The following CCN2 variants were observed in gnomAD, a reference collection of about 807,000 sequenced individuals.
CCN2 encodes the protein CCN family member 2.
A neutral mutation model predicts 33.2 loss-of-function variants in CCN2; 22 were observed. The observed-to-expected ratio is 0.66, with a 90% CI of 0.47 to 0.95. The LOEUF (loss-of-function observed/expected upper bound fraction) is 0.95. CCN2 is among the 40% of genes least tolerant of loss of function. CCN2 has a pLI of 0.00. For synonymous variants in CCN2, 178 were observed against 200.6 expected (o/e 0.89, Z 0.95); for missense variants, 469 against 498.8 (o/e 0.94, Z 0.57).
intron 4 of CCN2, 144 bp downstream of exon 4, chr6:131,949,805 A>T: frequency 1.2e-6 from 1 of 868,884 alleles, no homozygotes; most frequent in Non-Finnish European, 1.7e-6. Flanking sequence ...CTATTACACA[A>T]GCTCTCATTC....
chr6:131,950,942 C>A lies in CCN2; in HGVS notation c.117G>T (p.Pro39=). ...CSGPCRCPDE[P]APRCPAGVSL... ...TCACGCCCGCCGGGCAGCGCGGCGC[C>A]GGCTCGTCCGGGCACCGGCACGGCC... Residue 39 remains proline (P), a synonymous_variant, in exon 2 of 5, where the codon CCG becomes CCT. Coordinates refer to ENST00000367976, the MANE Select transcript of CCN2 (RefSeq NM_001901.4). This position sits in a 1 kb window ranked among gnomAD's most constrained non-coding sequence, Gnocchi z 7.1. 7.1e-7 allele frequency: 1 copy of A among 1,406,886 alleles called. No homozygotes were observed. Among genetic ancestry groups the A allele is most frequent in the South Asian group, 1.6e-5 (1 of 64,298 alleles). 87.2% of individuals were successfully genotyped at this position (1,406,886 alleles called of 1,614,324 possible). A position where few individuals can be genotyped will look rare whatever the true frequency, so the allele number is the denominator to read the frequency against.
intron 4 of CCN2, 47 bp from the exon 5 acceptor site, chr6:131,949,607 CTCTACAAGAGGAGTGGCTT>C (rs1783072028): frequency 8.0e-6 from 12 of 1,507,602 alleles, no homozygotes; most frequent in Non-Finnish European, 1.0e-5. Flanking sequence ...AAATCAGCGA[CTCTACAAGAGGAGTGGCTT>C]TCTTCAACCC....
intron 1 of CCN2, 41 bp from the exon 2 acceptor site, chr6:131,951,033 C>T (rs925227422): frequency 2.4e-6 from 3 of 1,255,910 alleles, no homozygotes; most frequent in African/African-American, 1.6e-5. Context: ...TCGGTCGGCG[C>T]GCACGCCCTC....
In CCN2 at chr6:131,949,426, G is replaced by A; in HGVS notation, c.888C>T (p.His296=). 1 of 1,614,220 alleles carries A rather than the reference G, an allele frequency of 6.2e-7. No homozygotes were observed. The highest frequency in any genetic ancestry group is 8.5e-7 in the Non-Finnish European group (1 of 1,180,054). Residue 296 remains histidine, a synonymous_variant, in exon 5 of 5, where the codon CAC becomes CAT. Coordinates refer to ENST00000367976, the MANE Select transcript of CCN2 (RefSeq NM_001901.4). ...VCTDGRCCTP[H]RTTTLPVEFK... ...ACTCCACCGGCAGGGTGGTGGTTCT[G>A]TGGGGGGTGCAGCATCGGCCGTCGG...
At position 131,950,852 on chromosome 6, in the gene CCN2, G is replaced by A. The variant is rs1336177255; in HGVS notation, c.207C>T (p.Thr69=). Residue 69 remains threonine (T), a synonymous_variant, in exon 2 of 5, where the codon ACC becomes ACT. Transcript: ENST00000367976. This position sits in a 1 kb window ranked among gnomAD's most constrained non-coding sequence, Gnocchi z 7.1. The part of the protein sequence containing the change: ...VCAKQLGELC[T]ERDPCDPHKG... The stretch of plus-strand genomic sequence containing the variant: ...TGTGCGGGTCGCATGGGTCGCGCTC[G>A]GTGCACAGCTCGCCCAGCTGCTTGG... The A allele has an allele frequency of 4.6e-6, 7 of 1,535,514 alleles. No individual in the cohort carries two copies. Among genetic ancestry groups the A allele is most frequent in the Non-Finnish European group, 3.5e-6 (4 of 1,147,742 alleles).
Position 131,949,356 on chromosome 6 carries a change from T to G in CCN2, c.958A>C (p.Ile320Leu). Residue 320 changes from isoleucine (I) to leucine (L), a missense_variant, in exon 5 of 5, where the codon ATC becomes CTC. Ile to Leu is a conservative substitution (Grantham distance 5). Coordinates refer to ENST00000367976, the MANE Select transcript of CCN2 (RefSeq NM_001901.4). ...TTGTAATGGCAGGCACAGGTCTTGA[T>G]GAACATCATGTTCTTCTTCATGACC... ...GEVMKKNMMF[I>L]KTCACHYNCP... is the part of the protein sequence containing the mutation. The G allele has an allele frequency of 6.2e-7, 1 of 1,614,172 alleles. No individual in the cohort carries two copies. Among genetic ancestry groups the G allele is most frequent in the Non-Finnish European group, 8.5e-7 (1 of 1,179,984 alleles).
Position 131,950,966 on chromosome 6 carries a change from C to G in CCN2, c.93G>C (p.Gly31=). 1 of 1,365,718 alleles carries G rather than the reference C, an allele frequency of 7.3e-7. No homozygotes were observed. The highest frequency in any genetic ancestry group is 9.3e-7 in the Non-Finnish European group (1 of 1,070,576). The allele number at this position is 1,365,718 out of a possible 1,614,324, so 84.6% of individuals were successfully genotyped here. The change falls in exon 2 of 5, where the codon GGG becomes GGC. Residue 31 remains glycine, a synonymous_variant. Transcript: ENST00000367976. This position sits in a 1 kb window ranked among gnomAD's most constrained non-coding sequence, Gnocchi z 7.1. Reference sequence around the variant, plus strand: ...CCGGCTCGTCCGGGCACCGGCACGGCCCGCTGCAGTTCTGGCCGACGGCCG... The same window carrying G: ...CCGGCTCGTCCGGGCACCGGCACGGGCCGCTGCAGTTCTGGCCGACGGCCG... ...SRPAVGQNCS[G]PCRCPDEPAP...
rs961009845 is a variant in CCN2 at position 131,950,952 on chromosome 6, G to A, written c.107C>T (p.Pro36Leu). Residue 36 changes from proline to leucine, a missense_variant, in exon 2 of 5, where the codon CCG (proline) becomes CTG (leucine). By Grantham distance (98) the Pro-to-Leu change is moderately conservative. Transcript: ENST00000367976. This position sits in a 1 kb window ranked among gnomAD's most constrained non-coding sequence, Gnocchi z 7.1. ...GQNCSGPCRC[P>L]DEPAPRCPAG... ...CGGGCAGCGCGGCGCCGGCTCGTCCGGGCACCGGCACGGCCCGCTGCAGTT... is the reference window on the plus strand; with the variant it reads ...CGGGCAGCGCGGCGCCGGCTCGTCCAGGCACCGGCACGGCCCGCTGCAGTT... 3 of 1,389,530 alleles carry A rather than the reference G, an allele frequency of 2.2e-6. No individual in the cohort carries two copies. Among genetic ancestry groups the A allele is most frequent in the African/African-American group, 1.5e-5 (1 of 65,568 alleles). 86.1% of individuals were successfully genotyped at this position (1,389,530 alleles called of 1,614,324 possible).
chr6:131,950,131 C>A lies in CCN2; in HGVS notation c.571G>T (p.Asp191Tyr). 1 of 1,614,238 alleles carries A rather than the reference C, an allele frequency of 6.2e-7. No individual in the cohort carries two copies. Among genetic ancestry groups the A allele is most frequent in the Non-Finnish European group, 8.5e-7 (1 of 1,180,042 alleles). The part of the protein sequence containing the change: ...AYRLEDTFGP[D>Y]PTMIRANCLV... ...CAGTTGGCTCTAATCATAGTTGGGT[C>A]TGGGCCAAACGTGTCTTCCAGTCGG... Residue 191 changes from aspartate to tyrosine, a missense_variant, in exon 4 of 5, where the codon GAC becomes TAC. Physicochemically the swap from Asp to Tyr is radical, Grantham distance 160 (BLOSUM62 -3). Transcript: ENST00000367976. The surrounding 1 kb of genome is among the most constrained non-coding windows in gnomAD (Gnocchi z 7.1).
chr6:131,949,599 A>G (rs772968298), intron 4 of CCN2, 39 bp from the exon 5 acceptor site: 1 of 1,176,426 alleles, frequency 8.5e-7, no homozygotes, highest in Non-Finnish European at 1.2e-6. Context: ...AAAAAAAAAA[A>G]TCAGCGACTC....
rs1315457402 is a variant in CCN2 at position 131,948,935 on chromosome 6, T to C, written c.*329A>G. ...TCAATTACACTTCAAATAGCAGGCA[T>C]ATTACTCGTATAAGATGCTATCTGA... On this transcript the variant is annotated 3_prime_UTR_variant, in exon 5 of 5. Transcript: ENST00000367976. The C allele has an allele frequency of 4.2e-5, 13 of 306,216 alleles. No homozygotes were observed. The Admixed American group carries it at 5.2e-4, about 12-fold the overall frequency. 19.0% of individuals were successfully genotyped at this position (306,216 alleles called of 1,614,324 possible). A position where few individuals can be genotyped will look rare whatever the true frequency, so the allele number is the denominator to read the frequency against.
At position 131,949,172 on chromosome 6, in the gene CCN2, AC is replaced by A. The variant is rs1783061222; in HGVS notation, c.*91del. The A allele has an allele frequency of 1.8e-6, 2 of 1,131,564 alleles. No homozygotes were observed. Among genetic ancestry groups the A allele is most frequent in the Non-Finnish European group, 1.3e-6 (1 of 770,020 alleles). The allele number at this position is 1,131,564 out of a possible 1,614,324, so 70.1% of individuals were successfully genotyped here. ...CCAGTTAGAAAAACAGATTTAAATA[AC>A]TTGTGCTACTGAAATCATTTTTACG... On this transcript the variant is annotated 3_prime_UTR_variant, in exon 5 of 5. Transcript: ENST00000367976.
At position 131,949,398 on chromosome 6, in the gene CCN2, T is replaced by C. The variant is rs543282062; in HGVS notation, c.916A>G (p.Lys306Glu). The part of the protein sequence containing the change: ...HRTTTLPVEF[K>E]CPDGEVMKKN... ...TTCATGACCTCGCCGTCAGGGCACT[T>C]GAACTCCACCGGCAGGGTGGTGGTT... The change falls in exon 5 of 5, where the codon AAG (lysine) becomes GAG (glutamate). Residue 306 changes from lysine (K) to glutamate (E), a missense_variant. Lys to Glu is a moderately conservative substitution (Grantham distance 56, BLOSUM62 1). Coordinates refer to ENST00000367976, the MANE Select transcript of CCN2 (RefSeq NM_001901.4). The C allele has an allele frequency of 3.1e-6, 5 of 1,614,092 alleles. No homozygotes were observed. The highest frequency in any genetic ancestry group is 4.2e-6 in the Non-Finnish European group (5 of 1,180,042).
chr6:131,950,312 A>G lies in CCN2; in HGVS notation c.521T>C (p.Val174Ala), dbSNP rs1385005797. ...CTCACCCGCGAGGGCAGGCCCAACC[A>G]CGGTTTGGTCCTTGGGCTCGTCACA... The part of the protein sequence containing the change: ...WVCDEPKDQT[V>A]VGPALAAYRL... The change falls in exon 3 of 5, where the codon GTG (valine) becomes GCG (alanine). Residue 174 changes from valine (V) to alanine (A), a missense_variant. Val to Ala is a moderately conservative substitution (Grantham distance 64). Coordinates refer to ENST00000367976, the MANE Select transcript of CCN2 (RefSeq NM_001901.4). The surrounding 1 kb of genome is among the most constrained non-coding windows in gnomAD (Gnocchi z 7.1). 7 of 1,613,768 alleles carry G rather than the reference A, an allele frequency of 4.3e-6. No homozygotes were observed. Among genetic ancestry groups the G allele is most frequent in the Non-Finnish European group, 5.9e-6 (7 of 1,179,838 alleles).
rs1376273288 is a variant in CCN2, at chr6:131,950,951, C to T, written c.108G>A (p.Pro36=). 4 of 1,389,410 alleles carry T rather than the reference C, an allele frequency of 2.9e-6. No homozygotes were observed. The South Asian group carries it at 4.9e-5, about 17-fold the overall frequency. The allele number at this position is 1,389,410 out of a possible 1,614,324, so 86.1% of individuals were successfully genotyped here. A position where few individuals can be genotyped will look rare whatever the true frequency, so the allele number is the denominator to read the frequency against. The stretch of plus-strand genomic sequence containing the variant: ...CCGGGCAGCGCGGCGCCGGCTCGTC[C>T]GGGCACCGGCACGGCCCGCTGCAGT... ...GQNCSGPCRC[P]DEPAPRCPAG... is the part of the protein sequence containing the mutation. Residue 36 remains proline, a synonymous_variant, in exon 2 of 5, where the codon CCG becomes CCA. Coordinates refer to ENST00000367976, the MANE Select transcript of CCN2 (RefSeq NM_001901.4). This position sits in a 1 kb window ranked among gnomAD's most constrained non-coding sequence, Gnocchi z 7.1.
chr6:131,951,184 CGGGCGGAGCGGA>C lies in CCN2; in HGVS notation c.-24_-13del. On this transcript the variant is annotated 5_prime_UTR_variant, in exon 1 of 5. Transcript: ENST00000367976. ...CTGGCGGCGGTCATGGTTGGCACTG[CGGGCGGAGCGGA>C]GGGCGCGGTGGCGGCGAGCGGGGAG... 1 of 1,308,738 alleles carries C rather than the reference CGGGCGGAGCGGA, an allele frequency of 7.6e-7. No individual in the cohort carries two copies. Among genetic ancestry groups the C allele is most frequent in the South Asian group, 2.3e-5 (1 of 43,384 alleles). 81.1% of individuals were successfully genotyped at this position (1,308,738 alleles called of 1,614,324 possible).
At position 131,950,065 on chromosome 6, in the gene CCN2, A is replaced by G. The variant is rs777353866; in HGVS notation, c.637T>C (p.Cys213Arg). The G allele has an allele frequency of 6.2e-6, 10 of 1,614,216 alleles. No homozygotes were observed. The highest frequency in any genetic ancestry group is 8.5e-6 in the Non-Finnish European group (10 of 1,180,030). ...ACCCGGGTGGAGATGCCCATCCCAC[A>G]GGTCTTGGAACAGGCGCTCCACTCT... ...TTEWSACSKT[C>R]GMGISTRVTN... Residue 213 changes from cysteine (C) to arginine (R), a missense_variant, in exon 4 of 5, where the codon TGT becomes CGT. Transcript: ENST00000367976. The surrounding 1 kb of genome is among the most constrained non-coding windows in gnomAD (Gnocchi z 7.1).
At chr6:131,949,917 T>G (rs1157532685) in intron 4 of CCN2, 32 bp downstream of exon 4, 1 of 1,603,896 alleles carries the variant, frequency 6.2e-7, no homozygotes, top group East Asian at 2.2e-5. Flanking sequence ...GTTTTTCCTG[T>G]GAAAAATAGT....
Position 131,951,256 on chromosome 6 carries a change from TG to T in CCN2, c.-85del. 1 of 1,171,152 alleles carries T rather than the reference TG, an allele frequency of 8.5e-7. No individual in the cohort carries two copies. The highest frequency in any genetic ancestry group is 1.1e-6 in the Non-Finnish European group (1 of 935,302). The allele number at this position is 1,171,152 out of a possible 1,614,324, so 72.5% of individuals were successfully genotyped here. ...CTGGAGCGCTGGCGGTGGTCGGAGG[TG>T]GGGACCGGGACGCGCCGGGCTGTCG... is the stretch of plus-strand genomic sequence containing the variant. On this transcript the variant is annotated 5_prime_UTR_variant, in exon 1 of 5. Coordinates refer to ENST00000367976, the MANE Select transcript of CCN2 (RefSeq NM_001901.4).
Sources: allele counts gnomAD v4.1 joint callset, GRCh38; gene constraint gnomAD v4.1.1; non-coding constraint Gnocchi (gnomAD v3.1); transcripts MANE v1.5; gene names NCBI Gene and HGNC (gene_info 2026-07-23, HGNC 2026-07-21).